The following PSG3 variants were observed in gnomAD, a reference collection of about 807,000 sequenced individuals.
PSG3 encodes pregnancy specific beta-1-glycoprotein 3, also known as pregnancy-specific beta-1-glycoprotein 3.
A neutral mutation model predicts 47.5 loss-of-function variants in PSG3; 61 were observed. The observed-to-expected ratio is 1.28, with a 90% confidence interval of 1.05 to 1.59. PSG3 has a LOEUF of 1.59. Ranked by LOEUF, PSG3 falls within the 40% of genes most tolerant of loss-of-function variation. The probability of loss-of-function intolerance (pLI) is 0.00; values close to 1 mark genes in which losing one functional copy is unlikely to be tolerated. For missense variants in PSG3, 756 were observed against 524.0 expected (o/e 1.44, Z -4.32); for synonymous variants, 263 against 198.4 (o/e 1.33, Z -2.74).
chr19:42,728,749 A>G (rs1041668561), intron 5 of PSG3, among the ~76,000 whole-genome samples: 1 of 152,210 alleles, frequency 6.6e-6, no homozygotes, highest in Non-Finnish European at 1.5e-5. Context: ...TGTTCCTTGT[A>G]GCTCATAGAA....
chr19:42,723,467 A>G (rs1276121079), intron 6 of PSG3, among the ~76,000 whole-genome samples: 1 of 152,172 alleles, frequency 6.6e-6, no homozygotes, highest in Non-Finnish European at 1.5e-5. Context: ...AGAAATGTGA[A>G]CTTATCAAAG....
rs142623110 is a variant in PSG3 at position 42,730,402 on chromosome 19, G to A, written c.710-346C>T. On this transcript the variant is annotated intron_variant, in intron 3 of 6. Transcript: ENST00000327495. ...TCACCCTGGGTTCCTTACCTGGAAT[G>A]TGCAACTGGTGGGCCCCTTCCAAAT... is the stretch of plus-strand genomic sequence containing the variant. Among the ~76,000 whole-genome samples, 1,313 of 152,298 alleles carry A rather than the reference G, an allele frequency of 8.6e-3. 19 individuals are homozygous for A. The highest frequency in any genetic ancestry group is 0.03 in the African/African-American group (1,231 of 41,546).
chr19:42,730,843 A>G (rs1969461485), intron 3 of PSG3, among the ~76,000 whole-genome samples: 1 of 152,204 alleles, frequency 6.6e-6, no homozygotes, highest in Non-Finnish European at 1.5e-5. Context: ...GACCATGTGG[A>G]TCTTTCCAGA....
At chr19:42,733,114 C>T (rs1441548121) in intron 2 of PSG3, 52 bp from the exon 3 acceptor site, 3 of 1,577,788 alleles carry the variant, frequency 1.9e-6, no homozygotes, top group Middle Eastern at 1.8e-4. Flanking sequence ...TTGATTCCTC[C>T]AAAGGCATTT....
At position 42,729,959 on chromosome 19, in the gene PSG3, G is replaced by A. The variant is rs397842869; in HGVS notation, c.807C>T (p.Tyr269=). The A allele has an allele frequency of 9.9e-6, 16 of 1,612,194 alleles. No homozygotes were observed. The highest frequency in any genetic ancestry group is 1.3e-5 in the African/African-American group (1 of 74,972). The change falls in exon 4 of 7, where the codon TAC becomes TAT. Residue 269 remains tyrosine, a synonymous_variant. Transcript: ENST00000327495. ...GACCATTTAGCCACCAAATGTAGGT[G>A]TAGTTCTCACTCTTAGGTTCACAGG... ...AFTCEPKSEN[Y]TYIWWLNGQS...
chr19:42,731,077 A>C (rs1328085697), intron 3 of PSG3, among the ~76,000 whole-genome samples: 3 of 152,194 alleles, frequency 2.0e-5, no homozygotes, highest in Non-Finnish European at 4.4e-5. Flanking sequence ...GAATATGAGA[A>C]GAGACTGCTG....
At chr19:42,738,270 C>G (rs369429851) in intron 2 of PSG3, among the ~76,000 whole-genome samples, 4 of 152,170 alleles carry the variant, frequency 2.6e-5, no homozygotes, top group African/African-American at 7.2e-5. Flanking sequence ...GCCCAAGAAG[C>G]GACAACCCAG....
chr19:42,740,467 G>A lies in PSG3; in HGVS notation c.-83C>T. On this transcript the variant is annotated 5_prime_UTR_variant, in exon 1 of 7. Coordinates refer to ENST00000327495, the MANE Select transcript of PSG3 (RefSeq NM_021016.4). ...CCTGAGCATGGCTCTCAGCTGTGCT[G>A]TCCTTCCTCCTTCTGCGCTGAGCCT... 6.2e-7 allele frequency: 1 copy of A among 1,611,046 alleles called. No individual in the cohort carries two copies. The highest frequency in any genetic ancestry group is 8.5e-7 in the Non-Finnish European group (1 of 1,178,712).
intron 5 of PSG3, among the ~76,000 whole-genome samples, chr19:42,724,233 G>T (rs530897988): frequency 5.9e-5 from 9 of 152,022 alleles, no homozygotes; most frequent in Non-Finnish European, 1.3e-4. Context: ...TCAGTCCTCT[G>T]TCAATTCTCT....
intron 3 of PSG3, chr19:42,732,050 G>C (rs2122179796): frequency 6.5e-6 from 1 of 152,830 alleles, no homozygotes; most frequent in Admixed American, 6.5e-5. Flanking sequence ...TCCCTTTGCA[G>C]AGGGCAGGTG....
intron 3 of PSG3, among the ~76,000 whole-genome samples, chr19:42,731,188 G>C (rs900511670): frequency 6.6e-6 from 1 of 152,206 alleles, no homozygotes; most frequent in African/African-American, 2.4e-5. Flanking sequence ...TGTAGAGCTT[G>C]ATGCCTATAG....
In PSG3 at chr19:42,727,021, C is replaced by T. The variant is rs575836971; in HGVS notation, c.1243+2102G>A. Among the ~76,000 whole-genome samples the T allele has an allele frequency of 1.6e-3, 239 of 152,218 alleles. 2 individuals carry two copies. Among genetic ancestry groups the T allele is most frequent in the Non-Finnish European group, 3.0e-3 (204 of 68,006 alleles). ...TTTCATCGAGTGTGCCAAGATCGTTCAATGGGGAAGGGACCGTTTTCTCAC... is the reference window on the plus strand; with the variant it reads ...TTTCATCGAGTGTGCCAAGATCGTTTAATGGGGAAGGGACCGTTTTCTCAC... On this transcript the variant is annotated intron_variant, in intron 5 of 6. Coordinates refer to ENST00000327495, the MANE Select transcript of PSG3 (RefSeq NM_021016.4).
chr19:42,723,087 G>A (rs997525495), intron 6 of PSG3, among the ~76,000 whole-genome samples: 4 of 152,114 alleles, frequency 2.6e-5, no homozygotes, highest in African/African-American at 7.2e-5. Context: ...TCCTGTCTTA[G>A]GCTTTATGTC....
intron 2 of PSG3, among the ~76,000 whole-genome samples, chr19:42,734,824 G>A (rs916352613): frequency 1.5e-4 from 23 of 152,342 alleles, no homozygotes; most frequent in African/African-American, 5.1e-4. Context: ...AATATAGAAA[G>A]AACCTGCTTC....
intron 6 of PSG3, among the ~76,000 whole-genome samples, chr19:42,722,295 G>C (rs1969311029): frequency 6.6e-6 from 1 of 152,020 alleles, no homozygotes; most frequent in Admixed American, 6.5e-5. Flanking sequence ...CTGTCACCCA[G>C]GCTGGAGTGC....
At chr19:42,727,205 C>G (rs998946415) in intron 5 of PSG3, among the ~76,000 whole-genome samples, 1 of 152,106 alleles carries the variant, frequency 6.6e-6, no homozygotes, top group Non-Finnish European at 1.5e-5. Context: ...CTGGATTTCA[C>G]AATGATTTCC....
chr19:42,727,195 C>T (rs904713882), intron 5 of PSG3, among the ~76,000 whole-genome samples: 1 of 152,132 alleles, frequency 6.6e-6, no homozygotes, highest in Non-Finnish European at 1.5e-5. Flanking sequence ...CTTCATGATA[C>T]TGGATTTCAC....
intron 5 of PSG3, 32 bp downstream of exon 5, chr19:42,729,091 C>G: frequency 6.2e-7 from 1 of 1,613,556 alleles, no homozygotes; most frequent in Middle Eastern, 1.7e-4. Context: ...CCACCTAAAA[C>G]TCTATTGCCA....
chr19:42,729,671 A>G (rs1375912827), intron 4 of PSG3, 107 bp downstream of exon 4: 9 of 1,564,062 alleles, frequency 5.8e-6, no homozygotes, highest in Non-Finnish European at 7.8e-6. Context: ...GGATGTCCAG[A>G]AGTAATGGTA....
Sources: allele counts gnomAD v4.1 joint callset (sites outside exome capture counted in the v4.1 genomes callset), GRCh38; gene constraint gnomAD v4.1.1; transcripts MANE v1.5; gene names NCBI Gene and HGNC (gene_info 2026-07-23, HGNC 2026-07-21).